LARGE1: variants seen among roughly 807,000 people sequenced by gnomAD.
LARGE1 encodes LARGE xylosyl- and glucuronyltransferase 1, also known as xylosyl- and glucuronyltransferase LARGE1.
A neutral mutation model predicts 87.6 loss-of-function variants in LARGE1; 43 were observed. That is an observed-to-expected ratio of 0.49 (90% CI 0.38 to 0.63). The LOEUF is 0.63. LARGE1 is among the 30% of genes least tolerant of loss of function. LARGE1 has a pLI of 0.00. For missense variants in LARGE1, 802 were observed against 1,000.2 expected (o/e 0.80, Z 2.67); for synonymous variants, 434 against 394.6 (o/e 1.10, Z -1.18).
At chr22:33,657,915 T>C (rs2081013638) in intron 2 of LARGE1, among the ~76,000 whole-genome samples, 1 of 151,706 alleles carries the variant, frequency 6.6e-6, no homozygotes, top group African/African-American at 2.4e-5. Context: ...GTGGGTATTC[T>C]CACTATTTCC....
intron 6 of LARGE1, among the ~76,000 whole-genome samples, chr22:33,556,524 G>C (rs1303252107): frequency 1.2e-5 from 1 of 80,246 alleles, no homozygotes; most frequent in Non-Finnish European, 2.7e-5. Flanking sequence ...GGAAGGGAGG[G>C]AGGGAGGGAG....
intron 5 of LARGE1, among the ~76,000 whole-genome samples, chr22:33,595,840 G>C (rs1437296090): frequency 6.6e-6 from 1 of 152,184 alleles, no homozygotes; most frequent in Non-Finnish European, 1.5e-5. Context: ...TAGTAGAGAA[G>C]GCAGATGAGG....
chr22:33,402,202 A>G (rs1472196108), intron 7 of LARGE1, among the ~76,000 whole-genome samples: 2 of 152,142 alleles, frequency 1.3e-5, no homozygotes, highest in Non-Finnish European at 2.9e-5. Flanking sequence ...CTCTGATGAC[A>G]TTGGCTTTGG....
intron 1 of LARGE1, among the ~76,000 whole-genome samples, chr22:33,888,556 C>T (rs1327411385): frequency 6.6e-6 from 1 of 152,096 alleles, no homozygotes; most frequent in Non-Finnish European, 1.5e-5. Context: ...AAAGCACCTT[C>T]GAATATATCC....
At chr22:33,512,619 A>G (rs1272489108) in intron 6 of LARGE1, among the ~76,000 whole-genome samples, 4 of 152,074 alleles carry the variant, frequency 2.6e-5, no homozygotes, top group African/African-American at 4.8e-5. Context: ...CCTGGCCAAC[A>G]TGGCAAAACC....
intron 6 of LARGE1, among the ~76,000 whole-genome samples, chr22:33,542,877 T>C (rs1234692335): frequency 6.6e-6 from 1 of 152,150 alleles, no homozygotes; most frequent in Admixed American, 6.5e-5. Context: ...CTAGTAAAGA[T>C]GAAACACAGA....
intron 4 of LARGE1, among the ~76,000 whole-genome samples, chr22:33,617,590 G>A (rs1035917966): frequency 2.0e-5 from 3 of 152,096 alleles, no homozygotes; most frequent in East Asian, 1.9e-4. Flanking sequence ...ATACACTTGC[G>A]AGCACTGCCT....
chr22:33,764,201 T>G (rs1322155962), intron 1 of LARGE1, among the ~76,000 whole-genome samples: 1 of 151,922 alleles, frequency 6.6e-6, no homozygotes, highest in Non-Finnish European at 1.5e-5. Flanking sequence ...CAGGATTGGG[T>G]AGAAAACAGA....
At chr22:33,211,132 T>C (rs1263769463) in intron 11 of LARGE1, among the ~76,000 whole-genome samples, 1 of 152,202 alleles carries the variant, frequency 6.6e-6, no homozygotes, top group Admixed American at 6.5e-5. Flanking sequence ...TGATCTGCGA[T>C]TTGTGATTTG....
intron 1 of LARGE1, among the ~76,000 whole-genome samples, chr22:33,913,514 T>C (rs1306834779): frequency 1.3e-5 from 2 of 152,234 alleles, no homozygotes; most frequent in Admixed American, 6.5e-5. Context: ...AAAACATTCG[T>C]TTATGTTTGA....
chr22:33,826,993 C>T (rs2062810656), intron 1 of LARGE1, among the ~76,000 whole-genome samples: 1 of 152,120 alleles, frequency 6.6e-6, no homozygotes, highest in Non-Finnish European at 1.5e-5. Context: ...GGAGGCAATT[C>T]ACCCCGGATT....
the LARGE1 span, among the ~76,000 whole-genome samples, chr22:33,077,912 T>G: frequency 1.3e-5 from 2 of 152,188 alleles, no homozygotes; most frequent in Non-Finnish European, 2.9e-5. Context: ...CCATCTAGGA[T>G]GAAGGTGTTT....
intron 6 of LARGE1, among the ~76,000 whole-genome samples, chr22:33,469,886 CTTT>C (rs537465362): frequency 3.4e-5 from 4 of 117,010 alleles, no homozygotes; most frequent in Non-Finnish European, 7.1e-5. Context: ...TATGTTTACT[CTTT>C]TTTTTTTTTT....
intron 7 of LARGE1, among the ~76,000 whole-genome samples, chr22:33,403,576 G>A (rs1211023630): frequency 1.3e-5 from 2 of 151,910 alleles, no homozygotes; most frequent in Admixed American, 6.6e-5. Flanking sequence ...ACTTGTTTTC[G>A]GTCTTACCTG....
chr22:33,722,959 T>C (rs1342966329), intron 2 of LARGE1, among the ~76,000 whole-genome samples: 2 of 152,134 alleles, frequency 1.3e-5, no homozygotes, highest in Non-Finnish European at 2.9e-5. Flanking sequence ...AGCAAGATCC[T>C]GGAATGCGGT....
chr22:33,563,502 A>G (rs2077923886), intron 6 of LARGE1, among the ~76,000 whole-genome samples: 1 of 152,226 alleles, frequency 6.6e-6, no homozygotes, highest in Admixed American at 6.5e-5. Flanking sequence ...GTAATTATAG[A>G]AAAACTGCCC....
chr22:33,259,348 AAAC>A (rs1927499831), intron 11 of LARGE1, among the ~76,000 whole-genome samples: 1 of 148,246 alleles, frequency 6.7e-6, no homozygotes, highest in Non-Finnish European at 1.5e-5. Context: ...ACACACACAC[AAAC>A]ACACACATGC....
At chr22:33,092,583 A>G in the LARGE1 span, among the ~76,000 whole-genome samples, 1 of 152,082 alleles carries the variant, frequency 6.6e-6, no homozygotes, top group Non-Finnish European at 1.5e-5. Flanking sequence ...TAAGCCCTGC[A>G]TGCATTAGCT....
At chr22:33,817,713 G>A (rs1440635379) in intron 1 of LARGE1, among the ~76,000 whole-genome samples, 2 of 152,178 alleles carry the variant, frequency 1.3e-5, no homozygotes, top group Admixed American at 1.3e-4. Context: ...TAATAAATCT[G>A]CCCTAGCATC....
Sources: allele counts gnomAD v4.1 joint callset (sites outside exome capture counted in the v4.1 genomes callset), GRCh38; gene constraint gnomAD v4.1.1; transcripts MANE v1.5; gene names NCBI Gene and HGNC (gene_info 2026-07-23, HGNC 2026-07-21).